ZNF462: variants seen among roughly 807,000 people sequenced by gnomAD.
ZNF462 encodes zinc finger protein 462, also known as zinc finger PBX1-interacting protein.
A neutral mutation model predicts 201.9 loss-of-function variants in ZNF462; 10 were observed. That is an observed-to-expected ratio of 0.05 (90% CI 0.03 to 0.08). ZNF462 has a LOEUF of 0.08. Among genes scored for constraint, ZNF462 ranks in the 10% least tolerant of loss-of-function variants. The pLI is 1.00. For missense variants in ZNF462, 2,523 were observed against 3,168.3 expected, an observed-to-expected ratio of 0.80 and a Z score of 4.89; for synonymous variants, 1,227 against 1,193.3, an observed-to-expected ratio of 1.03 and a Z score of -0.58.
Position 106,981,242 on chromosome 9 carries a change from A to C in ZNF462, c.6833-2944A>C, listed in dbSNP as rs958361722. Among the ~76,000 whole-genome samples, 13 of 152,218 alleles carry C rather than the reference A, an allele frequency of 8.5e-5. No individual in the cohort carries two copies. Among genetic ancestry groups the C allele is most frequent in the African/African-American group, 3.1e-4 (13 of 41,460 alleles). On this transcript the variant is annotated intron_variant, in intron 9 of 12. Coordinates refer to ENST00000277225, the MANE Select transcript of ZNF462 (RefSeq NM_021224.6). The surrounding 1 kb of genome is among the most constrained non-coding windows in gnomAD (Gnocchi z 4.0). ...ATTTGACCCTTTCCTCAAATGTAGA[A>C]GGTGCTTGAAAGACATTCAGATATA...
Position 106,917,805 on chromosome 9 carries a change from G to A in ZNF462, c.-30-5549G>A, listed in dbSNP as rs931877709. On this transcript the variant is annotated intron_variant, in intron 1 of 12. Coordinates refer to ENST00000277225, the MANE Select transcript of ZNF462 (RefSeq NM_021224.6). This position sits in a 1 kb window ranked among gnomAD's most constrained non-coding sequence, Gnocchi z 4.5. ...GGATTGTTGGAGGTAGCTTGTTGTT[G>A]GAAGTTGCTTGTTGGTTTATTTTGC... 6.6e-6 allele frequency among the ~76,000 whole-genome samples: 1 copy of A among 150,862 alleles called. No individual in the cohort carries two copies. The highest frequency in any genetic ancestry group is 1.5e-5 in the Non-Finnish European group (1 of 67,550).
chr9:106,898,984 A>G (rs952220027), intron 1 of ZNF462, among the ~76,000 whole-genome samples: 1 of 152,150 alleles, frequency 6.6e-6, no homozygotes, highest in Non-Finnish European at 1.5e-5. Context: ...AACTATGCCA[A>G]ATGCTTTATG....
intron 7 of ZNF462, among the ~76,000 whole-genome samples, chr9:106,960,333 A>G (rs1564133537): frequency 6.6e-6 from 1 of 152,150 alleles, no homozygotes; most frequent in Non-Finnish European, 1.5e-5. Context: ...CCTTGAAGTC[A>G]GTAGGCATCT....
chr9:107,009,283 A>C lies in ZNF462; in HGVS notation c.7190-262A>C. 2.3e-6 allele frequency: 1 copy of C among 440,656 alleles called. No individual in the cohort carries two copies. Among genetic ancestry groups the C allele is most frequent in the Non-Finnish European group, 4.0e-6 (1 of 247,214 alleles). 27.3% of individuals were successfully genotyped at this position (440,656 alleles called of 1,614,324 possible). On this transcript the variant is annotated intron_variant, in intron 11 of 12. Coordinates refer to ENST00000277225, the MANE Select transcript of ZNF462 (RefSeq NM_021224.6). The surrounding 1 kb of genome is among the most constrained non-coding windows in gnomAD (Gnocchi z 6.1). ...CGGGCAAGCGGCTCTTCAGTCAAGA[A>C]AGACCCAGATTTTGTGATAGAAGCA...
At chr9:106,964,264 G>C (rs980525574) in intron 7 of ZNF462, among the ~76,000 whole-genome samples, 1 of 151,940 alleles carries the variant, frequency 6.6e-6, no homozygotes, top group African/African-American at 2.4e-5. Flanking sequence ...CCGTGAGACT[G>C]TACCATTTTG....
rs1276014232 is a variant in ZNF462 at position 106,963,324 on chromosome 9, GT to G, written c.6428-8677del. On this transcript the variant is annotated intron_variant, in intron 7 of 12. Transcript: ENST00000277225. The surrounding 1 kb of genome is among the most constrained non-coding windows in gnomAD (Gnocchi z 4.7). ...TCTTGATAGCTCTGTGTTACACACT[GT>G]TTTAATAACTTAAAACAATATATAT... Among the ~76,000 whole-genome samples the G allele has an allele frequency of 3.3e-5, 5 of 152,056 alleles. No homozygotes were observed. In the South Asian group the frequency reaches 1.0e-3, roughly 32 times the overall value.
chr9:106,899,251 G>GGGGT (rs1828952796), intron 1 of ZNF462, among the ~76,000 whole-genome samples: 1 of 123,506 alleles, frequency 8.1e-6, no homozygotes, highest in Admixed American at 8.2e-5. Flanking sequence ...GGGGGGGGGG[G>GGGGT]GTGTGTGCAT....
chr9:106,960,459 A>T (rs762821596), intron 7 of ZNF462, among the ~76,000 whole-genome samples: 3 of 152,122 alleles, frequency 2.0e-5, no homozygotes, highest in Non-Finnish European at 4.4e-5. Flanking sequence ...AGTCATTTAT[A>T]TAAAGAGGCT....
In ZNF462 at chr9:106,993,876, C is replaced by T. The variant is rs1282271439; in HGVS notation, c.7057-9418C>T. ...CCTCCCACCTTGGCTTCCCAAAGTA[C>T]AGGAATTGCAGGTGTGAGCCACTGT... On this transcript the variant is annotated intron_variant, in intron 10 of 12. Coordinates refer to ENST00000277225, the MANE Select transcript of ZNF462 (RefSeq NM_021224.6). This position sits in a 1 kb window ranked among gnomAD's most constrained non-coding sequence, Gnocchi z 4.0. 3.9e-5 allele frequency among the ~76,000 whole-genome samples: 6 copies of T among 152,084 alleles called. No homozygotes were observed. Among genetic ancestry groups the T allele is most frequent in the African/African-American group, 1.4e-4 (6 of 41,410 alleles).
At chr9:106,869,029 C>T (rs1564066539) in intron 1 of ZNF462, among the ~76,000 whole-genome samples, 2 of 152,192 alleles carry the variant, frequency 1.3e-5, no homozygotes, top group South Asian at 2.1e-4. Flanking sequence ...ATCTTTCCTG[C>T]TCTCATCTCT....
At chr9:107,007,801 AGTGCCCAGTGGCC>A (rs1829663520) in intron 11 of ZNF462, among the ~76,000 whole-genome samples, 1 of 152,210 alleles carries the variant, frequency 6.6e-6, no homozygotes, top group African/African-American at 2.4e-5. Flanking sequence ...AAGTGTGGCC[AGTGCCCAGTGGCC>A]TCCTCCTTTG....
Position 106,933,793 on chromosome 9 carries a change from CTT to C in ZNF462, c.6116+1245_6116+1246del, listed in dbSNP as rs1046152333. The stretch of plus-strand genomic sequence containing the variant: ...GGCATAAGGAGCATTTGGGTGAAGT[CTT>C]AAAGTAGGAAAATAGGACTTGAATA... On this transcript the variant is annotated intron_variant, in intron 5 of 12. Coordinates refer to ENST00000277225, the MANE Select transcript of ZNF462 (RefSeq NM_021224.6). The surrounding 1 kb of genome is among the most constrained non-coding windows in gnomAD (Gnocchi z 4.3). 5.9e-5 allele frequency among the ~76,000 whole-genome samples: 9 copies of C among 152,024 alleles called. No individual in the cohort carries two copies. Among genetic ancestry groups the C allele is most frequent in the African/African-American group, 2.2e-4 (9 of 41,386 alleles).
chr9:106,922,107 C>T (rs572030978), intron 1 of ZNF462, among the ~76,000 whole-genome samples: 2 of 152,192 alleles, frequency 1.3e-5, no homozygotes, highest in South Asian at 4.2e-4. Context: ...TTTTTTGTTC[C>T]TGCAGAAATA....
At position 106,928,271 on chromosome 9, in the gene ZNF462, G is replaced by A. The variant is rs1403907189; in HGVS notation, c.4359G>A (p.Glu1453=). The A allele has an allele frequency of 1.2e-6, 2 of 1,612,008 alleles. No individual in the cohort carries two copies. The highest frequency in any genetic ancestry group is 1.7e-6 in the Non-Finnish European group (2 of 1,179,870). ...CAGAGGATGCAAGACTGTCCCCTGA[G>A]AAAAGCCTGCAGCTAGCTTCAGCCA... ...ECPEDARLSP[E]KSLQLASANP... Residue 1453 remains glutamate (E), a synonymous_variant, in exon 3 of 13, where the codon GAG becomes GAA. Coordinates refer to ENST00000277225, the MANE Select transcript of ZNF462 (RefSeq NM_021224.6). This position sits in a 1 kb window ranked among gnomAD's most constrained non-coding sequence, Gnocchi z 9.3.
In ZNF462 at chr9:106,968,525, C is replaced by T. The variant is rs747803366; in HGVS notation, c.6428-3480C>T. ...CAGAGAATAAAACTCTTTTCTCAGA[C>T]TGTATGTGTCAGGGTTGGTTGGTTG... On this transcript the variant is annotated intron_variant, in intron 7 of 12. Transcript: ENST00000277225. This position sits in a 1 kb window ranked among gnomAD's most constrained non-coding sequence, Gnocchi z 4.0. Among the ~76,000 whole-genome samples, 8 of 151,590 alleles carry T rather than the reference C, an allele frequency of 5.3e-5. No individual in the cohort carries two copies. Among genetic ancestry groups the T allele is most frequent in the Non-Finnish European group, 1.2e-4 (8 of 68,028 alleles).
At chr9:106,947,906 A>G (rs1367484509) in intron 7 of ZNF462, among the ~76,000 whole-genome samples, 1 of 152,216 alleles carries the variant, frequency 6.6e-6, no homozygotes, top group Non-Finnish European at 1.5e-5. Flanking sequence ...ACAAGTGTTT[A>G]TTACTTATTG....
Position 106,939,688 on chromosome 9 carries a change from T to C in ZNF462, c.6427+581T>C, listed in dbSNP as rs1013582122. 5.3e-5 allele frequency among the ~76,000 whole-genome samples: 8 copies of C among 152,144 alleles called. No homozygotes were observed. In the East Asian group the frequency reaches 1.2e-3, roughly 22 times the overall value. ...TTTAGTTTTGGAGTTTCAGAAGAAA[T>C]ACAGGAAGCCAGGGAGAGGGTCTCC... On this transcript the variant is annotated intron_variant, in intron 7 of 12. Transcript: ENST00000277225.
intron 10 of ZNF462, among the ~76,000 whole-genome samples, chr9:107,001,497 T>G (rs1490351640): frequency 6.6e-6 from 1 of 152,166 alleles, no homozygotes; most frequent in African/African-American, 2.4e-5. Flanking sequence ...ATCCAGAATC[T>G]AGTGGTTAAT....
In ZNF462 at chr9:106,924,229, A is replaced by C; in HGVS notation, c.317A>C (p.Lys106Thr). The part of the protein sequence containing the change: ...HIAANPKPTN[K>T]FFQCKFCVRY... ...GCCGCTAATCCCAAACCAACAAACA[A>C]GTTTTTTCAATGCAAGTTCTGTGTA... is the stretch of plus-strand genomic sequence containing the variant. Residue 106 changes from lysine to threonine, a missense_variant, in exon 3 of 13, where the codon AAG (lysine) becomes ACG (threonine). Lys to Thr is a moderately conservative substitution (Grantham distance 78). This residue lies in a region of ZNF462 where 480 missense variants were observed against 544.4 expected (regional missense o/e 0.88). Transcript: ENST00000277225. This position sits in a 1 kb window ranked among gnomAD's most constrained non-coding sequence, Gnocchi z 6.2. 1 of 1,614,156 alleles carries C rather than the reference A, an allele frequency of 6.2e-7. No homozygotes were observed. The highest frequency in any genetic ancestry group is 8.5e-7 in the Non-Finnish European group (1 of 1,180,020).
Sources: gnomAD v4.1 joint callset for allele counts (sites outside exome capture counted in the v4.1 genomes callset) on GRCh38, gnomAD v4.1.1 for gene constraint, gnomAD v4.1.1 regional missense constraint, Gnocchi (gnomAD v3.1) non-coding constraint, MANE v1.5 for transcripts, NCBI Gene and HGNC (gene_info 2026-07-23, HGNC 2026-07-21) for gene names.